MAF: variants seen among roughly 807,000 people sequenced by gnomAD.
The protein encoded by MAF is MAF bZIP transcription factor.
In MAF, 10 loss-of-function variants were observed where a neutral mutation model predicts 22.0. That is an observed-to-expected ratio of 0.45 (90% CI 0.28 to 0.77). The LOEUF (loss-of-function observed/expected upper bound fraction) is 0.77, where lower values mean the gene tolerates loss of function less well. Ranked by LOEUF, MAF falls within the 30% of genes least tolerant of loss-of-function variation. MAF has a pLI of 0.12. For missense variants in MAF, 544 were observed against 548.4 expected (o/e 0.99, Z 0.08); for synonymous variants, 337 against 255.8 (o/e 1.32, Z -3.03).
chr16:79,426,839 G>T, the MAF span, among the ~76,000 whole-genome samples: 1 of 152,202 alleles, frequency 6.6e-6, no homozygotes, highest in Non-Finnish European at 1.5e-5. Flanking sequence ...GGAGTGCTGG[G>T]GCCAACACAT....
At chr16:79,306,628 C>G in the MAF span, among the ~76,000 whole-genome samples, 1 of 152,194 alleles carries the variant, frequency 6.6e-6, no homozygotes, top group African/African-American at 2.4e-5. Flanking sequence ...GGAAAGCCAT[C>G]AGCTTAGCTC....
chr16:79,239,889 C>G, the MAF span, among the ~76,000 whole-genome samples: 2 of 151,954 alleles, frequency 1.3e-5, no homozygotes, highest in Non-Finnish European at 2.9e-5. Context: ...ACTTTAGAAG[C>G]CTTGAAGAAA....
the MAF span, among the ~76,000 whole-genome samples, chr16:79,374,767 T>C: frequency 6.6e-6 from 1 of 152,208 alleles, no homozygotes; most frequent in South Asian, 2.1e-4. Flanking sequence ...ATTTATTTTC[T>C]CTCTTTCTTC....
the MAF span, among the ~76,000 whole-genome samples, chr16:79,553,283 A>G: frequency 2.0e-5 from 3 of 152,318 alleles, no homozygotes; most frequent in East Asian, 3.9e-4. Flanking sequence ...CCTCTCCATC[A>G]TGGCAGAGAA....
At chr16:79,210,221 TGAA>T in the MAF span, among the ~76,000 whole-genome samples, 1 of 152,200 alleles carries the variant, frequency 6.6e-6, no homozygotes, top group Non-Finnish European at 1.5e-5. Context: ...ATCCTGACAC[TGAA>T]GAAGCTAAAA....
chr16:79,586,469 G>A (rs949049720), intron 1 of MAF, among the ~76,000 whole-genome samples: 3 of 152,162 alleles, frequency 2.0e-5, no homozygotes, highest in African/African-American at 4.8e-5. Context: ...AACTGCAAAT[G>A]TTCTTTTAAC....
the MAF span, among the ~76,000 whole-genome samples, chr16:79,566,536 G>C: frequency 2.0e-5 from 3 of 152,336 alleles, no homozygotes; most frequent in African/African-American, 4.8e-5. Flanking sequence ...ATCTCTGGAG[G>C]GTTGATCCTG....
At chr16:79,209,826 A>T in the MAF span, among the ~76,000 whole-genome samples, 2 of 152,338 alleles carry the variant, frequency 1.3e-5, no homozygotes, top group East Asian at 3.9e-4. Flanking sequence ...TGTTTAGATA[A>T]ATGTGCCAGG....
At chr16:79,574,557 C>A in the MAF span, among the ~76,000 whole-genome samples, 31 of 152,292 alleles carry the variant, frequency 2.0e-4, no homozygotes, top group Admixed American at 7.8e-4. Flanking sequence ...GATCACTTCA[C>A]TGATTTCGTG....
the MAF span, among the ~76,000 whole-genome samples, chr16:79,405,326 A>C: frequency 1.3e-5 from 2 of 152,186 alleles, no homozygotes; most frequent in Non-Finnish European, 2.9e-5. Flanking sequence ...CTGGGTGAAG[A>C]AATTCACTGA....
the MAF span, among the ~76,000 whole-genome samples, chr16:79,575,567 T>G: frequency 1.3e-5 from 2 of 152,162 alleles, no homozygotes; most frequent in African/African-American, 4.8e-5. Context: ...TCAAAGGAAC[T>G]GGCATGTTTA....
the MAF span, among the ~76,000 whole-genome samples, chr16:79,293,834 GAA>G: frequency 6.4e-5 from 8 of 125,018 alleles, no homozygotes; most frequent in East Asian, 2.6e-4. Context: ...GCTTCTAAAT[GAA>G]AAGAGAGAGA....
the MAF span, among the ~76,000 whole-genome samples, chr16:79,406,305 T>C: frequency 4.1e-3 from 628 of 152,276 alleles, 5 homozygotes; most frequent in African/African-American, 0.014. Flanking sequence ...CCAAGGAGCA[T>C]AGGATTCACA....
At chr16:79,592,772 T>G (rs1385350942), downstream of MAF, among the ~76,000 whole-genome samples, 2 of 152,116 alleles carry the variant, frequency 1.3e-5, no homozygotes, top group Non-Finnish European at 2.9e-5. Flanking sequence ...CAGATAAAAC[T>G]TCTCTAAAAA....
the MAF span, among the ~76,000 whole-genome samples, chr16:79,447,234 A>T: frequency 2.0e-5 from 3 of 151,902 alleles, no homozygotes; most frequent in East Asian, 2.0e-4. Context: ...TATTTTGCCT[A>T]GGTGCTGTAA....
the MAF span, among the ~76,000 whole-genome samples, chr16:79,508,175 G>A: frequency 6.6e-6 from 1 of 152,168 alleles, no homozygotes; most frequent in Non-Finnish European, 1.5e-5. Context: ...CTGTGCAGGG[G>A]ATAATTCTGC....
chr16:79,324,672 C>T, the MAF span, among the ~76,000 whole-genome samples: 249 of 152,206 alleles, frequency 1.6e-3, 3 homozygotes, highest in African/African-American at 5.9e-3. Context: ...GCACCCACCA[C>T]CTCTACAGAA....
the MAF span, among the ~76,000 whole-genome samples, chr16:79,275,815 C>T: frequency 1.3e-5 from 2 of 152,140 alleles, no homozygotes; most frequent in African/African-American, 4.8e-5. Context: ...AAAGGAAGTT[C>T]ATTGGAAACC....
chr16:79,240,706 C>A, the MAF span, among the ~76,000 whole-genome samples: 2 of 151,834 alleles, frequency 1.3e-5, no homozygotes, highest in African/African-American at 4.8e-5. Flanking sequence ...AAGGGTCAGA[C>A]TGCCTCCTCA....
Sources: gnomAD v4.1 joint callset for allele counts (sites outside exome capture counted in the v4.1 genomes callset) on GRCh38, gnomAD v4.1.1 for gene constraint, MANE v1.5 for transcripts, NCBI Gene and HGNC (gene_info 2026-07-23, HGNC 2026-07-21) for gene names.